The following PRICKLE2 variants were observed in gnomAD, a reference collection of about 807,000 sequenced individuals.
The protein encoded by PRICKLE2 is prickle planar cell polarity protein 2, also known as prickle-like protein 2.
In PRICKLE2, 21 loss-of-function variants were observed where a neutral mutation model predicts 81.4. That is an observed-to-expected ratio of 0.26 (90% CI 0.18 to 0.37). PRICKLE2 has a LOEUF of 0.37. Among genes scored for constraint, PRICKLE2 ranks in the 10% least tolerant of loss-of-function variants. The pLI, the probability that PRICKLE2 is intolerant of heterozygous loss-of-function variation, is 1.00. For synonymous variants in PRICKLE2, 456 were observed against 421.5 expected (o/e 1.08, Z -1.00); for missense variants, 940 against 1,109.0 (o/e 0.85, Z 2.16).
chr3:64,256,908 A>T lies in PRICKLE2; in HGVS notation c.129-57941T>A, dbSNP rs12631281. ...CCTAACACAAAGGGACAAAATGGAT[A>T]TGAGTCTTTTTTGGCACTGAGTCTA... On this transcript the variant is annotated intron_variant, in intron 2 of 8. Coordinates refer to the PRICKLE2 transcript ENST00000295902. Among the ~76,000 whole-genome samples the T allele has an allele frequency of 1.1e-3, 173 of 152,338 alleles. 1 individual carries two copies. The East Asian group carries it at 0.023, about 20-fold the overall frequency.
At chr3:64,189,706 T>A (rs2078297479) in intron 2 of PRICKLE2, among the ~76,000 whole-genome samples, 1 of 152,240 alleles carries the variant, frequency 6.6e-6, no homozygotes, top group African/African-American at 2.4e-5. Context: ...CCCAGCATTA[T>A]TTTTGGTACT....
At position 64,097,424 on chromosome 3, in the gene PRICKLE2, TA is replaced by T. The variant is rs1344117106; in HGVS notation, c.*1626del. On this transcript the variant is annotated 3_prime_UTR_variant, in exon 8 of 8. Coordinates refer to ENST00000638394, the MANE Select transcript of PRICKLE2 (RefSeq NM_198859.4). ...GATACACCGGGCACTACATCGACAG[TA>T]CATCTCACTACAGGTGGGTCATCCG... 6.6e-6 allele frequency: 1 copy of T among 152,546 alleles called. No individual in the cohort carries two copies. Among genetic ancestry groups the T allele is most frequent in the Non-Finnish European group, 1.5e-5 (1 of 68,042 alleles). The allele number at this position is 152,546 out of a possible 1,614,324, so 9.4% of individuals were successfully genotyped here.
At chr3:64,121,541 G>A (rs114325542) in intron 7 of PRICKLE2, among the ~76,000 whole-genome samples, 94 of 147,748 alleles carry the variant, frequency 6.4e-4, no homozygotes, top group Middle Eastern at 3.5e-3. Flanking sequence ...TAAGGCAAAA[G>A]AAAAAAAAAA....
At chr3:64,137,431 A>C (rs1426004879) in intron 7 of PRICKLE2, among the ~76,000 whole-genome samples, 1 of 152,192 alleles carries the variant, frequency 6.6e-6, no homozygotes, top group Non-Finnish European at 1.5e-5. Flanking sequence ...TCAGTAACAA[A>C]GAGAATAAAA....
intron 2 of PRICKLE2, among the ~76,000 whole-genome samples, chr3:64,194,872 T>G (rs1056772773): frequency 1.3e-5 from 2 of 152,020 alleles, no homozygotes; most frequent in African/African-American, 4.8e-5. Flanking sequence ...TGAGACCCCC[T>G]TCTGTACAAA....
intron 2 of PRICKLE2, among the ~76,000 whole-genome samples, chr3:64,232,429 T>A (rs543620182): frequency 4.9e-4 from 75 of 152,352 alleles, no homozygotes; most frequent in African/African-American, 1.6e-3. Context: ...TCATTTGCAT[T>A]CCAACATACT....
Position 64,165,763 on chromosome 3 carries a change from C to T in PRICKLE2, c.145-2634G>A, listed in dbSNP as rs1249982561. Among the ~76,000 whole-genome samples, 7 of 152,194 alleles carry T rather than the reference C, an allele frequency of 4.6e-5. No individual in the cohort carries two copies. In the East Asian group the frequency reaches 1.3e-3, roughly 29 times the overall value. ...GGCTCAAGCTATTCTCCTGCCTTGG[C>T]CTTCCAAAGTGCTGGGATTACGGGT... On this transcript the variant is annotated intron_variant, in intron 2 of 7. Transcript: ENST00000638394.
intron 3 of PRICKLE2, among the ~76,000 whole-genome samples, chr3:64,162,664 GATCTCAGTC>G (rs1342666852): frequency 2.0e-5 from 3 of 152,186 alleles, no homozygotes; most frequent in Non-Finnish European, 4.4e-5. Context: ...TGGTCCAGGG[GATCTCAGTC>G]ATCTCTCCAA....
intron 1 of PRICKLE2, among the ~76,000 whole-genome samples, chr3:64,207,318 A>T (rs1336937855): frequency 6.6e-6 from 1 of 152,188 alleles, no homozygotes; most frequent in Non-Finnish European, 1.5e-5. Flanking sequence ...ACTAATGTAG[A>T]AAAAATCAGA....
At chr3:64,181,181 T>C (rs1403620377) in intron 2 of PRICKLE2, among the ~76,000 whole-genome samples, 1 of 152,194 alleles carries the variant, frequency 6.6e-6, no homozygotes, top group East Asian at 1.9e-4. Flanking sequence ...TTTTACAGAT[T>C]ATAGAATTCC....
At position 64,095,453 on chromosome 3, in the gene PRICKLE2, T is replaced by A. The variant is rs1017263896; in HGVS notation, c.*3598A>T. The stretch of plus-strand genomic sequence containing the variant: ...GTTCTGATCAACTGGTCCTGGCTGG[T>A]TGGAGTGTTGCAAAGATCTGTGAGG... On this transcript the variant is annotated 3_prime_UTR_variant, in exon 8 of 8. Coordinates refer to ENST00000638394, the MANE Select transcript of PRICKLE2 (RefSeq NM_198859.4). 6.6e-6 allele frequency: 1 copy of A among 152,216 alleles called. No homozygotes were observed. The highest frequency in any genetic ancestry group is 2.4e-5 in the African/African-American group (1 of 41,444). The allele number at this position is 152,216 out of a possible 1,614,324, so 9.4% of individuals were successfully genotyped here.
At chr3:64,162,834 G>A (rs1459077003) in intron 3 of PRICKLE2, among the ~76,000 whole-genome samples, 182 bp downstream of exon 3, 1 of 152,160 alleles carries the variant, frequency 6.6e-6, no homozygotes. Flanking sequence ...TGCTTTTTTA[G>A]TAATACTCTC....
At chr3:64,115,861 T>C (rs1272144071) in intron 7 of PRICKLE2, among the ~76,000 whole-genome samples, 2 of 152,138 alleles carry the variant, frequency 1.3e-5, no homozygotes, top group Admixed American at 6.5e-5. Context: ...TAGATATCTA[T>C]AGAACTCTCC....
At chr3:64,110,246 G>C (rs1238782140) in intron 7 of PRICKLE2, among the ~76,000 whole-genome samples, 1 of 152,146 alleles carries the variant, frequency 6.6e-6, no homozygotes, top group Non-Finnish European at 1.5e-5. Flanking sequence ...CATTAGTCTG[G>C]GTCAACAAGC....
chr3:64,263,054 A>G (rs1299819633), intron 2 of PRICKLE2, among the ~76,000 whole-genome samples: 7 of 152,218 alleles, frequency 4.6e-5, no homozygotes, highest in African/African-American at 1.7e-4. Flanking sequence ...AGGCCTTCTC[A>G]TAGCCTTTGA....
At chr3:64,178,708 G>A (rs2078065700) in intron 2 of PRICKLE2, among the ~76,000 whole-genome samples, 1 of 152,148 alleles carries the variant, frequency 6.6e-6, no homozygotes, top group Non-Finnish European at 1.5e-5. Context: ...TAAAATCACA[G>A]CAAACACTGA....
chr3:64,162,987 T>A, intron 3 of PRICKLE2, 29 bp downstream of exon 3: 1 of 1,395,200 alleles, frequency 7.2e-7, no homozygotes, highest in Non-Finnish European at 1.0e-6. Flanking sequence ...ACTAAGAAAA[T>A]TCTGCATAAG....
At chr3:64,258,325 C>T (rs1319919340) in intron 2 of PRICKLE2, among the ~76,000 whole-genome samples, 3 of 152,122 alleles carry the variant, frequency 2.0e-5, no homozygotes, top group Non-Finnish European at 2.9e-5. Context: ...AGGAAACTCC[C>T]AGCAACAATT....
chr3:64,127,879 C>G (rs1412092875), intron 7 of PRICKLE2, among the ~76,000 whole-genome samples: 1 of 152,014 alleles, frequency 6.6e-6, no homozygotes, highest in Non-Finnish European at 1.5e-5. Context: ...ACTCAGCTGC[C>G]TATCTTGAAC....
Sources: gnomAD v4.1 joint callset for allele counts (sites outside exome capture counted in the v4.1 genomes callset) on GRCh38, gnomAD v4.1.1 for gene constraint, MANE v1.5 for transcripts, NCBI Gene and HGNC (gene_info 2026-07-23, HGNC 2026-07-21) for gene names.